FGF12: variants seen among roughly 807,000 people sequenced by gnomAD.
FGF12 encodes fibroblast growth factor 12, also known as fibroblast growth factor 12B.
Under a neutral mutation model 23.6 loss-of-function variants are expected in FGF12, and 14 were observed. The observed-to-expected ratio is 0.59, with a 90% CI of 0.39 to 0.93. FGF12 has a LOEUF of 0.93. Among genes scored for constraint, FGF12 ranks in the 40% least tolerant of loss-of-function variants. The probability of loss-of-function intolerance (pLI) is 0.00; values close to 1 mark genes in which losing one functional copy is unlikely to be tolerated. For missense variants in FGF12, 175 were observed against 217.8 expected (o/e 0.80, Z 1.24); for synonymous variants, 62 against 77.3 (o/e 0.80, Z 1.04).
chr3:192,520,726 G>A (rs985566103), intron 2 of FGF12, among the ~76,000 whole-genome samples: 7 of 151,994 alleles, frequency 4.6e-5, no homozygotes, highest in Non-Finnish European at 1.0e-4. Flanking sequence ...CTTGATAATC[G>A]TTATTCCCTC....
Position 192,180,511 on chromosome 3 carries a change from T to G in FGF12, c.229-9855A>C, listed in dbSNP as rs1230459893. 6.6e-5 allele frequency among the ~76,000 whole-genome samples: 10 copies of G among 152,216 alleles called. 1 individual carries two copies. Among genetic ancestry groups the G allele is most frequent in the Admixed American group, 6.5e-4 (10 of 15,280 alleles). ...ATCATGGCAAGATATGTGCTTCTAG[T>G]GCCTCAGCCTCTGTCTTCCTTTCTT... is the stretch of plus-strand genomic sequence containing the variant. On this transcript the variant is annotated intron_variant, in intron 4 of 5. Coordinates refer to ENST00000445105, the MANE Select transcript of FGF12 (RefSeq NM_004113.6).
At chr3:192,418,676 G>C (rs1009657056) in intron 2 of FGF12, among the ~76,000 whole-genome samples, 22 of 152,048 alleles carry the variant, frequency 1.4e-4, no homozygotes, top group African/African-American at 4.8e-4. Flanking sequence ...TTGTGACAGT[G>C]AGTTCTCATG....
At chr3:192,510,959 G>C (rs1027034072) in intron 2 of FGF12, among the ~76,000 whole-genome samples, 1 of 152,124 alleles carries the variant, frequency 6.6e-6, no homozygotes, top group Admixed American at 6.5e-5. Context: ...AGGTTTTCAG[G>C]GATTAGGAAA....
At chr3:192,450,236 TCA>T (rs1467448903) in intron 2 of FGF12, among the ~76,000 whole-genome samples, 5 of 152,062 alleles carry the variant, frequency 3.3e-5, no homozygotes, top group African/African-American at 4.8e-5. Flanking sequence ...TAAAATAACC[TCA>T]GTGTCATTTT....
chr3:192,569,196 A>G (rs1320782155), intron 2 of FGF12, among the ~76,000 whole-genome samples: 1 of 152,204 alleles, frequency 6.6e-6, no homozygotes, highest in Non-Finnish European at 1.5e-5. Context: ...ATGCCTTTGT[A>G]TATTATATAA....
intron 4 of FGF12, among the ~76,000 whole-genome samples, chr3:192,327,354 A>T (rs547122079): frequency 6.6e-6 from 1 of 152,140 alleles, no homozygotes; most frequent in Non-Finnish European, 1.5e-5. Flanking sequence ...TGACTAAAAT[A>T]AGCGTCTTTA....
At chr3:192,259,530 A>G (rs562883837) in intron 4 of FGF12, among the ~76,000 whole-genome samples, 1 of 152,182 alleles carries the variant, frequency 6.6e-6, no homozygotes. Context: ...AAACGCACTA[A>G]GTCTCTGACA....
At chr3:192,410,008 G>GGCTGGCTCAGCTGGAGT (rs1328083038) in intron 2 of FGF12, among the ~76,000 whole-genome samples, 2 of 152,074 alleles carry the variant, frequency 1.3e-5, no homozygotes, top group African/African-American at 4.8e-5. Context: ...CCGCCCCTCC[G>GGCTGGCTCAGCTGGAGT]GCTGGCTCAG....
intron 2 of FGF12, among the ~76,000 whole-genome samples, chr3:192,450,935 C>T (rs1307350158): frequency 6.6e-6 from 1 of 152,202 alleles, no homozygotes; most frequent in East Asian, 1.9e-4. Context: ...TTGTGTGACA[C>T]TCATTTCCAA....
intron 5 of FGF12, among the ~76,000 whole-genome samples, chr3:192,145,592 G>A (rs1028652670): frequency 6.6e-6 from 1 of 152,206 alleles, no homozygotes. Context: ...TACACTCTGA[G>A]TAGCAGAAAA....
At chr3:192,662,301 C>A (rs1253506567) in intron 2 of FGF12, among the ~76,000 whole-genome samples, 1 of 152,186 alleles carries the variant, frequency 6.6e-6, no homozygotes, top group Non-Finnish European at 1.5e-5. Context: ...GCTTTGGTAG[C>A]TGAACACTTC....
intron 4 of FGF12, among the ~76,000 whole-genome samples, chr3:192,319,247 G>T (rs896000356): frequency 2.6e-5 from 4 of 152,066 alleles, no homozygotes; most frequent in African/African-American, 9.7e-5. Flanking sequence ...TGTAATTGTG[G>T]TGTATAAACT....
At chr3:192,450,978 C>G (rs1345174005) in intron 2 of FGF12, among the ~76,000 whole-genome samples, 2 of 152,148 alleles carry the variant, frequency 1.3e-5, no homozygotes, top group African/African-American at 4.8e-5. Context: ...TGGCTAGTCT[C>G]CACTAACAAA....
chr3:192,248,092 G>A (rs543042785), intron 4 of FGF12, among the ~76,000 whole-genome samples: 3 of 152,060 alleles, frequency 2.0e-5, no homozygotes, highest in African/African-American at 7.2e-5. Flanking sequence ...TAGAATCAAC[G>A]GAACCAAACT....
intron 2 of FGF12, among the ~76,000 whole-genome samples, chr3:192,375,848 T>C (rs4441604): frequency 6.6e-6 from 1 of 151,702 alleles, no homozygotes; most frequent in Non-Finnish European, 1.5e-5. Flanking sequence ...TGGAAAAAAA[T>C]TTCATCATCT....
intron 4 of FGF12, among the ~76,000 whole-genome samples, chr3:192,187,479 C>T (rs985103662): frequency 1.9e-4 from 29 of 152,118 alleles, no homozygotes; most frequent in Admixed American, 2.6e-4. Flanking sequence ...TTTAATTACA[C>T]GATAGACACT....
intron 2 of FGF12, among the ~76,000 whole-genome samples, chr3:192,675,700 A>C (rs1717304750): frequency 6.6e-6 from 1 of 152,226 alleles, no homozygotes; most frequent in Admixed American, 6.5e-5. Flanking sequence ...ATATTTGAAG[A>C]ATAATGCTCA....
At chr3:192,581,486 G>GTA (rs71298511) in intron 2 of FGF12, among the ~76,000 whole-genome samples, 19,075 of 144,334 alleles carry the variant, frequency 0.13, 1,341 homozygotes, top group African/African-American at 0.14. Flanking sequence ...GTGTGTGTGT[G>GTA]TATATATATA....
chr3:192,504,634 C>T (rs977667425), intron 2 of FGF12, among the ~76,000 whole-genome samples: 2 of 152,142 alleles, frequency 1.3e-5, no homozygotes, highest in Non-Finnish European at 2.9e-5. Context: ...AGGCTGGACA[C>T]ATCCTGAGCT....
Sources: gnomAD v4.1 joint callset for allele counts (sites outside exome capture counted in the v4.1 genomes callset) on GRCh38, gnomAD v4.1.1 for gene constraint, MANE v1.5 for transcripts, NCBI Gene and HGNC (gene_info 2026-07-23, HGNC 2026-07-21) for gene names.